Variants in TRHDE observed in about 807,000 individuals in gnomAD.
The protein encoded by TRHDE is thyrotropin-releasing hormone-degrading ectoenzyme.
Under a neutral mutation model 125.7 loss-of-function variants are expected in TRHDE, and 72 were observed. The ratio of observed to expected loss-of-function variants is 0.57; its 90% CI spans 0.47 to 0.70. The LOEUF (loss-of-function observed/expected upper bound fraction) is 0.70, where lower values mean the gene tolerates loss of function less well. Ranked by LOEUF, TRHDE falls within the 30% of genes least tolerant of loss-of-function variation. The probability of loss-of-function intolerance (pLI) is 0.00; values close to 1 mark genes in which losing one functional copy is unlikely to be tolerated. For synonymous variants in TRHDE, 509 were observed against 509.1 expected (o/e 1.00, Z 0.00); for missense variants, 1,110 against 1,327.1 (o/e 0.84, Z 2.54).
At chr12:72,365,800 A>G (rs1161929711) in intron 2 of TRHDE, among the ~76,000 whole-genome samples, 1 of 152,182 alleles carries the variant, frequency 6.6e-6, no homozygotes, top group Non-Finnish European at 1.5e-5. Context: ...CAGTGGCTTC[A>G]CACAACACAA....
intron 2 of TRHDE, among the ~76,000 whole-genome samples, chr12:72,364,194 G>A (rs912372247): frequency 6.6e-6 from 1 of 151,936 alleles, no homozygotes; most frequent in South Asian, 2.1e-4. Flanking sequence ...TGGCCATACT[G>A]TTTTATAATT....
At chr12:72,224,094 C>A (rs1168976105) in intron 2 of TRHDE, among the ~76,000 whole-genome samples, 1 of 31,142 alleles carries the variant, frequency 3.2e-5, no homozygotes, top group Non-Finnish European at 6.6e-5. Context: ...ATCTATCCAT[C>A]TATCTATCTA....
intron 12 of TRHDE, among the ~76,000 whole-genome samples, chr12:72,584,219 A>G (rs1281447170): frequency 6.6e-6 from 1 of 152,204 alleles, no homozygotes; most frequent in East Asian, 1.9e-4. Context: ...AGTGCTGAGT[A>G]GAAAGTAAAA....
At chr12:72,248,348 G>T (rs1487555873) in intron 2 of TRHDE, among the ~76,000 whole-genome samples, 1 of 150,616 alleles carries the variant, frequency 6.6e-6, no homozygotes, top group African/African-American at 2.4e-5. Flanking sequence ...AACTCGGGAG[G>T]CGGAGGTTGC....
rs757762254 is a variant in TRHDE at position 72,663,188 on chromosome 12, G to C, written c.3203G>C (p.Arg1068Thr). The change falls in exon 19 of 19, where the codon AGA (arginine) becomes ACA (threonine). Residue 1068 changes from arginine (R) to threonine (T), a missense_variant. By Grantham distance (71) the Arg-to-Thr change is moderately conservative (BLOSUM62 -1). This residue lies in a region of TRHDE where 527 missense variants were observed against 651.8 expected (regional missense o/e 0.81). Transcript: ENST00000261180. The stretch of plus-strand genomic sequence containing the variant: ...TTCCAATGGTTAGGAAAAGCTCTAA[G>C]ACACTAATATATGTATCTTATAAAC... Reference protein sequence around the residue: ...ELFQWLGKALRH With the variant: ...ELFQWLGKALTH 1.2e-6 allele frequency: 2 copies of C among 1,609,868 alleles called. No individual in the cohort carries two copies. The highest frequency in any genetic ancestry group is 1.7e-6 in the Non-Finnish European group (2 of 1,178,160).
intron 2 of TRHDE, among the ~76,000 whole-genome samples, chr12:72,296,386 G>A (rs921235003): frequency 2.0e-5 from 3 of 152,222 alleles, no homozygotes; most frequent in Admixed American, 6.5e-5. Context: ...GTACTGAGGA[G>A]CAAAGGTTTA....
At chr12:72,291,143 A>T (rs1315844184) in intron 2 of TRHDE, among the ~76,000 whole-genome samples, 4 of 152,238 alleles carry the variant, frequency 2.6e-5, no homozygotes, top group Non-Finnish European at 4.4e-5. Context: ...ATTTAGGTTC[A>T]GGCATAGAAG....
chr12:72,520,514 C>T (rs528128741), intron 6 of TRHDE, among the ~76,000 whole-genome samples: 48 of 151,866 alleles, frequency 3.2e-4, no homozygotes, highest in East Asian at 5.8e-4. Context: ...GCACGGTGCG[C>T]GCACCCACTG....
chr12:72,293,593 C>T (rs1880172732), intron 2 of TRHDE, among the ~76,000 whole-genome samples: 1 of 152,154 alleles, frequency 6.6e-6, no homozygotes, highest in Admixed American at 6.5e-5. Context: ...ATGTGAAGAG[C>T]CCAAGAAAGA....
chr12:72,379,205 G>C (rs868583100), intron 3 of TRHDE, among the ~76,000 whole-genome samples: 2 of 152,348 alleles, frequency 1.3e-5, no homozygotes, highest in South Asian at 4.1e-4. Context: ...GCAATGAGTA[G>C]TTAGTTCAGA....
intron 9 of TRHDE, among the ~76,000 whole-genome samples, chr12:72,563,855 A>G (rs1174220571): frequency 6.6e-6 from 1 of 152,136 alleles, no homozygotes; most frequent in East Asian, 1.9e-4. Flanking sequence ...TAAAATTGAT[A>G]AACGCAATGA....
intron 2 of TRHDE, among the ~76,000 whole-genome samples, chr12:72,188,856 C>T (rs1279704572): frequency 6.6e-6 from 1 of 152,200 alleles, no homozygotes; most frequent in African/African-American, 2.4e-5. Flanking sequence ...TAGCCTTCTT[C>T]CTTTTCCTTG....
intron 6 of TRHDE, among the ~76,000 whole-genome samples, chr12:72,528,843 A>T (rs1161393661): frequency 1.3e-5 from 2 of 152,104 alleles, no homozygotes; most frequent in Non-Finnish European, 2.9e-5. Context: ...AGTTTGGGGC[A>T]TTTTAGTCTT....
chr12:72,321,628 T>C (rs372830881), intron 2 of TRHDE, among the ~76,000 whole-genome samples: 21 of 152,270 alleles, frequency 1.4e-4, no homozygotes, highest in African/African-American at 4.3e-4. Context: ...GCCTTTTCTC[T>C]AGTGAATATT....
chr12:72,272,259 G>A, upstream of TRHDE: 2 of 370,752 alleles, frequency 5.4e-6, no homozygotes, highest in Non-Finnish European at 5.4e-6. The surrounding 1 kb of genome is among the most constrained non-coding windows in gnomAD (Gnocchi z 6.7). Context: ...GAACCGGTTG[G>A]AAGGCTCCCG....
intron 17 of TRHDE, among the ~76,000 whole-genome samples, chr12:72,654,275 G>A (rs1029995944): frequency 6.6e-6 from 1 of 152,086 alleles, no homozygotes; most frequent in Admixed American, 6.6e-5. Context: ...AAAAATGTTT[G>A]GTTCCTGATA....
At chr12:72,547,105 A>C (rs1207854154) in intron 7 of TRHDE, among the ~76,000 whole-genome samples, 1 of 151,440 alleles carries the variant, frequency 6.6e-6, no homozygotes, top group African/African-American at 2.4e-5. Flanking sequence ...TGATCCATAA[A>C]TGTCTTTGTC....
chr12:72,174,962 G>A (rs1300672336), intron 2 of TRHDE, among the ~76,000 whole-genome samples: 1 of 152,086 alleles, frequency 6.6e-6, no homozygotes, highest in African/African-American at 2.4e-5. Context: ...GTTTTAGTAT[G>A]TATTATGCTT....
chr12:72,481,189 G>C (rs972768259), intron 5 of TRHDE, among the ~76,000 whole-genome samples: 1 of 151,952 alleles, frequency 6.6e-6, no homozygotes, highest in Admixed American at 6.6e-5. Flanking sequence ...TTCTAAGCAA[G>C]GAGTGATTGT....
Sources: gnomAD v4.1 joint callset for allele counts (sites outside exome capture counted in the v4.1 genomes callset) on GRCh38, gnomAD v4.1.1 for gene constraint, gnomAD v4.1.1 regional missense constraint, Gnocchi (gnomAD v3.1) non-coding constraint, MANE v1.5 for transcripts, NCBI Gene and HGNC (gene_info 2026-07-23, HGNC 2026-07-21) for gene names.